ATAD3B: variants seen among roughly 807,000 people sequenced by gnomAD.
ATAD3B encodes the protein ATPase family AAA domain containing 3B, also known as ATPase family AAA domain-containing protein 3B.
In ATAD3B, 59 loss-of-function variants were observed where a neutral mutation model predicts 70.2. The ratio of observed to expected loss-of-function variants is 0.84; its 90% CI spans 0.68 to 1.04. The LOEUF (loss-of-function observed/expected upper bound fraction) is 1.04, where lower values mean the gene tolerates loss of function less well. Among genes scored for constraint, ATAD3B ranks in the 50% least tolerant of loss-of-function variants. The probability of loss-of-function intolerance (pLI) is 0.00; values close to 1 mark genes in which losing one functional copy is unlikely to be tolerated. For synonymous variants in ATAD3B, 423 were observed against 388.6 expected, an observed-to-expected ratio of 1.09 and a Z score of -1.04; for missense variants, 961 against 913.4, an observed-to-expected ratio of 1.05 and a Z score of -0.67.
Position 1,490,519 on chromosome 1 carries a change from G to A in ATAD3B, c.1506-44G>A, listed in dbSNP as rs1212673414. ...CTTCCGGCCTCCACCTCATGGTGTG[G>A]GGTCCGCGGCCTTGGCTGCCTCACT... On this transcript the variant is annotated intron_variant, in intron 14 of 15. Transcript: ENST00000673477. 1.9e-6 allele frequency: 3 copies of A among 1,610,752 alleles called. No individual in the cohort carries two copies. In the South Asian group the frequency reaches 3.3e-5, roughly 18 times the overall value.
downstream of ATAD3B, among the ~76,000 whole-genome samples, chr1:1,498,496 TTGA>T (rs1286077734): frequency 1.3e-5 from 2 of 151,556 alleles, no homozygotes; most frequent in Non-Finnish European, 2.9e-5. Flanking sequence ...AACCAAACCC[TTGA>T]TGATGGCCAT....
At chr1:1,474,176 T>C (rs1447198227) in intron 1 of ATAD3B, among the ~76,000 whole-genome samples, 4 of 148,188 alleles carry the variant, frequency 2.7e-5, no homozygotes, top group Non-Finnish European at 5.9e-5. Context: ...TGCTCGGTAA[T>C]TTTTCTTTTT....
chr1:1,487,297 G>A (rs1640272281), intron 11 of ATAD3B, among the ~76,000 whole-genome samples: 1 of 151,828 alleles, frequency 6.6e-6, no homozygotes, highest in African/African-American at 2.4e-5. Flanking sequence ...GACCATCCTG[G>A]CTAACTTGGT....
downstream of ATAD3B, among the ~76,000 whole-genome samples, chr1:1,502,352 C>CT (rs1640963565): frequency 6.6e-6 from 1 of 150,430 alleles, no homozygotes; most frequent in Non-Finnish European, 1.5e-5. Flanking sequence ...GTAGCTGGGA[C>CT]TACAGGCGCC....
rs1350474375 is a variant in ATAD3B, at chr1:1,487,864, C to G, written c.1216C>G (p.Leu406Val). Residue 406 changes from leucine to valine, a missense_variant and splice_region_variant, in exon 12 of 16, where the codon CTC becomes GTC. This residue lies in a region of ATAD3B where 417 missense variants were observed against 335.0 expected (regional missense o/e 1.24). Transcript: ENST00000673477. ...GCTTGGCCTCTCTCTCGTTCACAGC[C>G]TCCTGCTCTTCATGGATGAAGCAGA... Reference protein sequence around the residue: ...FDWANTSRRGLLLFMDEADAF... With the variant: ...FDWANTSRRGVLLFMDEADAF... 1.9e-6 allele frequency: 3 copies of G among 1,613,140 alleles called. No individual in the cohort carries two copies.
chr1:1,482,671 C>G, intron 7 of ATAD3B, 57 bp downstream of exon 7: 1 of 1,610,496 alleles, frequency 6.2e-7, no homozygotes, highest in Non-Finnish European at 8.5e-7. Flanking sequence ...ATGTGGGGGC[C>G]TCCTGGAGCC....
intron 4 of ATAD3B, among the ~76,000 whole-genome samples, chr1:1,479,862 G>C: frequency 7.2e-6 from 1 of 138,068 alleles, no homozygotes. Context: ...GCACACACGG[G>C]CCTGCACACA....
chr1:1,502,857 C>G, the ATAD3B span, among the ~76,000 whole-genome samples: 8 of 151,134 alleles, frequency 5.3e-5, no homozygotes, highest in African/African-American at 1.5e-4. Context: ...GAAAACCTTG[C>G]GAGTTTGGGA....
chr1:1,490,129 C>T (rs1640453484), intron 13 of ATAD3B, 128 bp from the exon 14 acceptor site: 1 of 1,464,870 alleles, frequency 6.8e-7, no homozygotes, highest in Non-Finnish European at 9.0e-7. Context: ...CCCATGTTTC[C>T]TGTGCTCACA....
At chr1:1,490,540 T>C (rs1640485384) in intron 14 of ATAD3B, 23 bp from the exon 15 acceptor site, 2 of 1,611,354 alleles carry the variant, frequency 1.2e-6, no homozygotes, top group Admixed American at 1.7e-5. Context: ...CTTGGCTGCC[T>C]CACTTGGGAA....
downstream of ATAD3B, among the ~76,000 whole-genome samples, chr1:1,500,936 G>A (rs542363276): frequency 3.9e-5 from 6 of 152,144 alleles, no homozygotes; most frequent in Admixed American, 1.3e-4. Flanking sequence ...CAGCCTGGGC[G>A]ACAGAGTGAG....
chr1:1,485,920 G>C (rs546176179), intron 9 of ATAD3B, 82 bp downstream of exon 9: 97 of 1,607,346 alleles, frequency 6.0e-5, no homozygotes, highest in Middle Eastern at 2.0e-4. Context: ...GCTAGCGCTC[G>C]TGGTGGCGCC....
chr1:1,492,001 C>G (rs1042215574), intron 15 of ATAD3B, among the ~76,000 whole-genome samples: 2 of 151,838 alleles, frequency 1.3e-5, no homozygotes, highest in African/African-American at 4.8e-5. Context: ...GCCTGGAAAG[C>G]AAGGTGAGAC....
At chr1:1,480,548 GA>G (rs1557798402) in intron 4 of ATAD3B, among the ~76,000 whole-genome samples, 1 of 147,802 alleles carries the variant, frequency 6.8e-6, no homozygotes, top group Non-Finnish European at 1.5e-5. Context: ...TTAATTGGCG[GA>G]AGACAGAAGC....
chr1:1,477,278 C>G lies in ATAD3B; in HGVS notation c.210C>G (p.Tyr70Ter). The G allele has an allele frequency of 6.2e-7, 1 of 1,612,354 alleles. No individual in the cohort carries two copies. The highest frequency in any genetic ancestry group is 8.5e-7 in the Non-Finnish European group (1 of 1,179,638). The change falls in exon 2 of 16, where the codon TAC (tyrosine) becomes TAG (stop). Residue 70 changes from tyrosine to a stop codon, truncating the protein, a stop_gained. Transcript: ENST00000673477. LOFTEE classifies it high-confidence loss of function. ...CCGTGCCACATGCGCCCGCAGGTTACGCCAAGGAGGCCCTGAATCTGGCGC... is the reference window on the plus strand; with the variant it reads ...CCGTGCCACATGCGCCCGCAGGTTAGGCCAAGGAGGCCCTGAATCTGGCGC... ...KAARELEHSRYAKEALNLAQM... is the reference protein window; with the variant it reads ...KAARELEHSR
Position 1,495,968 on chromosome 1 carries a change from G to A in ATAD3B, c.*151G>A. 5.8e-6 allele frequency: 8 copies of A among 1,388,124 alleles called. No homozygotes were observed. Among genetic ancestry groups the A allele is most frequent in the South Asian group, 3.6e-5 (2 of 55,598 alleles). The allele number at this position is 1,388,124 out of a possible 1,614,324, so 86.0% of individuals were successfully genotyped here. ...AGGGTGGGTGCTGGCTGAGCCCCTGGGGCAGAAGGAGTGGGGCAGGCGGGG... is the reference window on the plus strand; with the variant it reads ...AGGGTGGGTGCTGGCTGAGCCCCTGAGGCAGAAGGAGTGGGGCAGGCGGGG... On this transcript the variant is annotated 3_prime_UTR_variant, in exon 16 of 16. Transcript: ENST00000673477.
rs1286023800 is a variant in ATAD3B, at chr1:1,497,458, T to TA, written c.*1641_*1642insA. 1 of 149,608 alleles carries TA rather than the reference T, an allele frequency of 6.7e-6. No individual in the cohort carries two copies. The highest frequency in any genetic ancestry group is 2.5e-5 in the African/African-American group (1 of 40,194). 9.3% of individuals were successfully genotyped at this position (149,608 alleles called of 1,614,324 possible). A position where few individuals can be genotyped will look rare whatever the true frequency, so the allele number is the denominator to read the frequency against. ...AATGCCCAGGCTGGTCTCCAACTCT[T>TA]GGCCTCAGGAGATCCTCCCGCCTCT... is the stretch of plus-strand genomic sequence containing the variant. On this transcript the variant is annotated 3_prime_UTR_variant, in exon 16 of 16. Transcript: ENST00000673477.
In ATAD3B at chr1:1,495,622, C is replaced by A. The variant is rs752241293; in HGVS notation, c.1752C>A (p.Pro584=). 7 of 1,613,066 alleles carry A rather than the reference C, an allele frequency of 4.3e-6. No homozygotes were observed. The highest frequency in any genetic ancestry group is 2.2e-5 in the South Asian group (2 of 91,010). ...GGCCTGGGCGCGGGGTCGAGCACCC[C>A]CTATCCGGAGTCCAAGGCGAGACCC... ...AEGPGRGVEH[P]LSGVQGETLT... is the part of the protein sequence containing the mutation. Residue 584 remains proline (P), a synonymous_variant, in exon 16 of 16, where the codon CCC becomes CCA. Transcript: ENST00000673477.
rs894138058 is a variant in ATAD3B, at chr1:1,486,414, C to T, written c.1090-130C>T. On this transcript the variant is annotated intron_variant, in intron 10 of 15. Coordinates refer to ENST00000673477, the MANE Select transcript of ATAD3B (RefSeq NM_031921.6). ...CTCCCATCTTCCAGGCGGGGGACGT[C>T]TCCTGTCTGGCAGGCTGTGGCTTCC... 20 of 1,598,076 alleles carry T rather than the reference C, an allele frequency of 1.3e-5. 1 individual carries two copies. The highest frequency in any genetic ancestry group is 8.2e-5 in the African/African-American group (6 of 72,910).
Sources: allele counts gnomAD v4.1 joint callset (sites outside exome capture counted in the v4.1 genomes callset), GRCh38; gene constraint gnomAD v4.1.1; regional missense constraint gnomAD v4.1.1; transcripts MANE v1.5; gene names NCBI Gene and HGNC (gene_info 2026-07-23, HGNC 2026-07-21).